The following IBTK variants were observed in gnomAD, a reference collection of about 807,000 sequenced individuals.
IBTK encodes BTK-binding protein.
A neutral mutation model predicts 154.9 loss-of-function variants in IBTK; 83 were observed. The ratio of observed to expected loss-of-function variants is 0.54; its 90% CI spans 0.45 to 0.64. The LOEUF is 0.64. IBTK is among the 30% of genes least tolerant of loss of function. IBTK has a pLI of 0.00. For synonymous variants in IBTK, 515 were observed against 536.1 expected (o/e 0.96, Z 0.54); for missense variants, 1,332 against 1,584.6 (o/e 0.84, Z 2.71).
intron 1 of IBTK, among the ~76,000 whole-genome samples, chr6:82,241,944 CAA>C (rs948955494): frequency 3.9e-5 from 6 of 152,144 alleles, no homozygotes; most frequent in African/African-American, 9.7e-5. Flanking sequence ...CATACCACAC[CAA>C]AGAGTCAGAA....
At chr6:82,235,334 G>A (rs1770675098) in intron 2 of IBTK, among the ~76,000 whole-genome samples, 1 of 152,086 alleles carries the variant, frequency 6.6e-6, no homozygotes. Context: ...AGTGGCTCAT[G>A]ACTATAATCC....
intron 9 of IBTK, among the ~76,000 whole-genome samples, chr6:82,220,071 G>A (rs550646389): frequency 3.9e-5 from 6 of 152,090 alleles, no homozygotes; most frequent in East Asian, 3.9e-4. Context: ...TAAGCCAGGC[G>A]TAGTGGCACA....
At chr6:82,191,648 GCTAAATTGC>G (rs778697285) in intron 24 of IBTK, 130 bp downstream of exon 24, 1 of 712,542 alleles carries the variant, frequency 1.4e-6, no homozygotes, top group South Asian at 1.5e-5. Flanking sequence ...TATTATGGAG[GCTAAATTGC>G]CCAGAAAAGG....
chr6:82,224,044 A>G, intron 7 of IBTK, 24 bp downstream of exon 7: 1 of 1,213,232 alleles, frequency 8.2e-7, no homozygotes, highest in South Asian at 1.3e-5. Context: ...TAATTTCCAG[A>G]TATTGTCATT....
intron 26 of IBTK, among the ~76,000 whole-genome samples, chr6:82,177,595 G>A (rs1302886461): frequency 6.6e-6 from 1 of 151,794 alleles, no homozygotes; most frequent in Non-Finnish European, 1.5e-5. Flanking sequence ...TATATTTTTA[G>A]TAGAGATAGG....
chr6:82,216,582 C>T (rs1769883600), intron 10 of IBTK, among the ~76,000 whole-genome samples: 1 of 152,126 alleles, frequency 6.6e-6, no homozygotes, highest in Admixed American at 6.6e-5. Flanking sequence ...ACTTATACTT[C>T]CTGTTGCCCA....
intron 17 of IBTK, 106 bp downstream of exon 17, chr6:82,204,750 CA>C: frequency 3.2e-5 from 17 of 538,946 alleles, no homozygotes; most frequent in Non-Finnish European, 4.6e-5. Flanking sequence ...TTCGTGGTAC[CA>C]AAAAAATGGT....
chr6:82,246,393 A>C (rs1771143646), intron 1 of IBTK, among the ~76,000 whole-genome samples: 1 of 148,490 alleles, frequency 6.7e-6, no homozygotes, highest in Non-Finnish European at 1.5e-5. Context: ...TCCTGACCTC[A>C]AGTGATCCGC....
chr6:82,183,506 A>T (rs1768392909), intron 25 of IBTK, among the ~76,000 whole-genome samples: 2 of 152,220 alleles, frequency 1.3e-5, no homozygotes, highest in Admixed American at 6.5e-5. Flanking sequence ...ATAGACAAAT[A>T]TCTTTTTTAA....
At chr6:82,225,723 C>T (rs1329200528) in intron 5 of IBTK, 76 bp from the exon 6 acceptor site, 3 of 1,079,308 alleles carry the variant, frequency 2.8e-6, no homozygotes, top group Non-Finnish European at 4.0e-6. Context: ...GATGATACTA[C>T]ATCTAAAATG....
intron 1 of IBTK, among the ~76,000 whole-genome samples, chr6:82,242,292 C>A (rs771346000): frequency 6.6e-6 from 1 of 151,948 alleles, no homozygotes; most frequent in African/African-American, 2.4e-5. Flanking sequence ...TCGCTTGAAC[C>A]CAGGAGGCAG....
At chr6:82,197,009 G>A (rs1053218351) in intron 21 of IBTK, among the ~76,000 whole-genome samples, 19 of 152,162 alleles carry the variant, frequency 1.2e-4, no homozygotes, top group Admixed American at 1.0e-3. Flanking sequence ...TTGAGAGCTC[G>A]CTTGAAGCAA....
At chr6:82,225,372 A>T in intron 6 of IBTK, 105 bp downstream of exon 6, 1 of 742,106 alleles carries the variant, frequency 1.3e-6, no homozygotes, top group Non-Finnish European at 2.2e-6. Context: ...ATAAAGTTAA[A>T]TAACAGAAAT....
chr6:82,176,654 A>T (rs1768129807), intron 26 of IBTK, among the ~76,000 whole-genome samples: 4 of 152,176 alleles, frequency 2.6e-5, no homozygotes, highest in Admixed American at 2.6e-4. Context: ...AACAATAAAC[A>T]AATAAAAATT....
intron 22 of IBTK, among the ~76,000 whole-genome samples, chr6:82,195,716 C>T (rs1348887047): frequency 6.6e-6 from 1 of 152,144 alleles, no homozygotes; most frequent in African/African-American, 2.4e-5. Context: ...GTGACTCTAT[C>T]TCTATTCAGT....
chr6:82,199,998 A>G, intron 21 of IBTK, 143 bp downstream of exon 21: 1 of 583,870 alleles, frequency 1.7e-6, no homozygotes, highest in South Asian at 2.6e-5. Flanking sequence ...TCCCAGAGCA[A>G]ACTTCAACTG....
chr6:82,225,665 C>CCA lies in IBTK; in HGVS notation c.655-19_655-18insTG, dbSNP rs1770269065. The CCA allele has an allele frequency of 6.4e-7, 1 of 1,574,550 alleles. No individual in the cohort carries two copies. The highest frequency in any genetic ancestry group is 1.4e-5 in the African/African-American group (1 of 69,498). ...CGAGGGACCTACAAAATAAAATTAA[C>CCA]TTTAGTATACTACATTAACCATTTA... On this transcript the variant is annotated intron_variant, in intron 5 of 28. Coordinates refer to ENST00000306270, the MANE Select transcript of IBTK (RefSeq NM_015525.4).
intron 2 of IBTK, among the ~76,000 whole-genome samples, chr6:82,235,687 A>AT: frequency 6.6e-6 from 1 of 152,186 alleles, no homozygotes; most frequent in East Asian, 1.9e-4. Context: ...AGTTTGAGGA[A>AT]TTTTTTCTTA....
intron 28 of IBTK, 102 bp from the exon 29 acceptor site, chr6:82,171,658 T>A: frequency 1.1e-6 from 1 of 939,138 alleles, no homozygotes; most frequent in Non-Finnish European, 1.7e-6. Context: ...TCACTTTCCA[T>A]GGATACAATA....
Sources: allele counts gnomAD v4.1 joint callset (sites outside exome capture counted in the v4.1 genomes callset), GRCh38; gene constraint gnomAD v4.1.1; transcripts MANE v1.5; gene names NCBI Gene and HGNC (gene_info 2026-07-23, HGNC 2026-07-21).